Variants in CNTN5 observed in about 807,000 individuals in gnomAD.
The protein encoded by CNTN5 is contactin 5, also known as contactin-5.
A neutral mutation model predicts 129.1 loss-of-function variants in CNTN5; 77 were observed. The observed-to-expected ratio is 0.60, with a 90% CI of 0.50 to 0.72. CNTN5 has a LOEUF of 0.72. Among genes scored for constraint, CNTN5 ranks in the 30% least tolerant of loss-of-function variants. CNTN5 has a pLI of 0.00. For missense variants in CNTN5, 1,478 were observed against 1,328.8 expected (o/e 1.11, Z -1.75); for synonymous variants, 509 against 465.6 (o/e 1.09, Z -1.20).
chr11:99,599,114 A>ATT (rs1950235703), intron 3 of CNTN5, among the ~76,000 whole-genome samples: 2 of 152,006 alleles, frequency 1.3e-5, no homozygotes, highest in African/African-American at 4.8e-5. Flanking sequence ...GCAGTGAAAT[A>ATT]TTGTATCCTC....
At chr11:99,103,164 C>T (rs1460617698) in intron 1 of CNTN5, among the ~76,000 whole-genome samples, 1 of 152,130 alleles carries the variant, frequency 6.6e-6, no homozygotes, top group East Asian at 1.9e-4. Context: ...CCATTATCTC[C>T]CACAGGTTAT....
At chr11:99,496,626 T>C (rs2135368795) in intron 2 of CNTN5, among the ~76,000 whole-genome samples, 1 of 152,292 alleles carries the variant, frequency 6.6e-6, no homozygotes, top group Non-Finnish European at 1.5e-5. Flanking sequence ...AGCAAGAGGC[T>C]GAGGAAACAA....
In CNTN5 at chr11:100,137,118, T is replaced by A. The variant is rs1005150438; in HGVS notation, c.1581-54008T>A. 1.1e-4 allele frequency among the ~76,000 whole-genome samples: 16 copies of A among 152,190 alleles called. No homozygotes were observed. The East Asian group carries it at 2.9e-3, about 28-fold the overall frequency. On this transcript the variant is annotated intron_variant, in intron 13 of 24. Transcript: ENST00000524871. Reference sequence around the variant, plus strand: ...AAGATTTAAGGTAAAGACAAGGATGTGTTTTTATATTTTACTAAAGAAAGA... The same window carrying A: ...AAGATTTAAGGTAAAGACAAGGATGAGTTTTTATATTTTACTAAAGAAAGA...
intron 18 of CNTN5, among the ~76,000 whole-genome samples, chr11:100,294,020 C>T (rs948555564): frequency 3.3e-5 from 5 of 151,490 alleles, no homozygotes; most frequent in Non-Finnish European, 7.4e-5. Context: ...GCTATATAAA[C>T]TCCCTCCCTT....
At chr11:99,399,446 T>A (rs1941687694) in intron 2 of CNTN5, among the ~76,000 whole-genome samples, 1 of 151,700 alleles carries the variant, frequency 6.6e-6, no homozygotes, top group South Asian at 2.1e-4. Flanking sequence ...TTGAGCTATA[T>A]AATAAACATT....
At chr11:99,861,193 G>C (rs189680532) in intron 6 of CNTN5, among the ~76,000 whole-genome samples, 1 of 151,982 alleles carries the variant, frequency 6.6e-6, no homozygotes, top group Non-Finnish European at 1.5e-5. Context: ...TCCTGACCTC[G>C]TGATCCGCCA....
At chr11:100,171,091 T>C (rs574857515) in intron 13 of CNTN5, among the ~76,000 whole-genome samples, 1 of 152,114 alleles carries the variant, frequency 6.6e-6, no homozygotes, top group South Asian at 2.1e-4. Flanking sequence ...TTGATGTTGA[T>C]TTGACTCTGT....
intron 13 of CNTN5, among the ~76,000 whole-genome samples, chr11:100,179,070 A>T (rs11223103): frequency 0.031 from 4,665 of 152,236 alleles, 249 homozygotes; most frequent in African/African-American, 0.11. Flanking sequence ...TGTGTTGTGA[A>T]CATTCCAATT....
chr11:100,191,104 A>AC (rs1555035050), intron 13 of CNTN5, 22 bp from the exon 14 acceptor site: 2 of 1,560,678 alleles, frequency 1.3e-6, no homozygotes, highest in South Asian at 2.4e-5. Context: ...AGAAAAAAAA[A>AC]CTGTTTTTAA....
At chr11:99,520,289 C>G (rs1947226945) in intron 2 of CNTN5, among the ~76,000 whole-genome samples, 2 of 151,928 alleles carry the variant, frequency 1.3e-5, no homozygotes, top group African/African-American at 4.8e-5. Context: ...TTAATAACAC[C>G]AAATTTGTAT....
chr11:100,137,557 C>T (rs1440191506), intron 13 of CNTN5, among the ~76,000 whole-genome samples: 1 of 150,974 alleles, frequency 6.6e-6, no homozygotes, highest in Non-Finnish European at 1.5e-5. Context: ...TCAAATTATC[C>T]ATGTAATATT....
chr11:99,685,498 T>C (rs1025832340), intron 3 of CNTN5, among the ~76,000 whole-genome samples: 1 of 151,988 alleles, frequency 6.6e-6, no homozygotes, highest in Non-Finnish European at 1.5e-5. Context: ...CTATTATTTT[T>C]GTCAATTTCA....
At chr11:99,952,781 CA>C (rs377725140) in intron 7 of CNTN5, among the ~76,000 whole-genome samples, 133 of 151,880 alleles carry the variant, frequency 8.8e-4, no homozygotes, top group African/African-American at 3.0e-3. Context: ...ACAGAAATAA[CA>C]AAAAAATAGG....
chr11:99,279,928 G>C (rs191670999), intron 1 of CNTN5, among the ~76,000 whole-genome samples: 2 of 151,558 alleles, frequency 1.3e-5, no homozygotes, highest in Admixed American at 1.3e-4. Flanking sequence ...CATGGGGAAA[G>C]AGGGGGAGAC....
At chr11:100,166,315 T>A (rs548530197) in intron 13 of CNTN5, among the ~76,000 whole-genome samples, 1 of 151,750 alleles carries the variant, frequency 6.6e-6, no homozygotes, top group African/African-American at 2.4e-5. Context: ...CAATAATAGT[T>A]TAGTAGATGA....
At chr11:100,131,465 T>G (rs1242004944) in intron 13 of CNTN5, among the ~76,000 whole-genome samples, 1 of 152,048 alleles carries the variant, frequency 6.6e-6, no homozygotes, top group South Asian at 2.1e-4. Flanking sequence ...GTTTTCAACA[T>G]GTTAAGGTTG....
At chr11:99,180,786 A>G (rs1389233289) in intron 1 of CNTN5, among the ~76,000 whole-genome samples, 16 of 152,140 alleles carry the variant, frequency 1.1e-4, no homozygotes, top group Non-Finnish European at 2.2e-4. Flanking sequence ...AGCACAGGAG[A>G]ATTAGAAGCA....
At chr11:99,475,318 G>A (rs1945329519) in intron 2 of CNTN5, among the ~76,000 whole-genome samples, 1 of 152,164 alleles carries the variant, frequency 6.6e-6, no homozygotes, top group South Asian at 2.1e-4. Flanking sequence ...TCAGATGCCA[G>A]AACTATGCTC....
At chr11:100,079,200 G>A (rs574295110) in intron 13 of CNTN5, among the ~76,000 whole-genome samples, 2 of 152,224 alleles carry the variant, frequency 1.3e-5, no homozygotes, top group Non-Finnish European at 1.5e-5. Flanking sequence ...TGAGATTTGG[G>A]TGGGGACACA....
Sources: gnomAD v4.1 joint callset for allele counts (sites outside exome capture counted in the v4.1 genomes callset) on GRCh38, gnomAD v4.1.1 for gene constraint, MANE v1.5 for transcripts, NCBI Gene and HGNC (gene_info 2026-07-23, HGNC 2026-07-21) for gene names.